DNAH7: variants seen among roughly 807,000 people sequenced by gnomAD.
The protein encoded by DNAH7 is axonemal beta dynein heavy chain 7.
Under a neutral mutation model 444.6 loss-of-function variants are expected in DNAH7, and 397 were observed. The observed-to-expected ratio is 0.89, with a 90% CI of 0.82 to 0.97. The LOEUF is 0.97. Ranked by LOEUF, DNAH7 falls within the 50% of genes least tolerant of loss-of-function variation. DNAH7 has a pLI of 0.00. For missense variants in DNAH7, 4,902 were observed against 4,800.8 expected (o/e 1.02, Z -0.62); for synonymous variants, 1,636 against 1,624.4 (o/e 1.01, Z -0.17).
chr2:196,059,220 TC>T lies in DNAH7; in HGVS notation c.16-1105del, dbSNP rs370621110. ...TAAGGTGAATATGTATTCTGGTTTT[TC>T]CCCCCGCAAGCTGCCATAAGTAACA... On this transcript the variant is annotated intron_variant, in intron 1 of 64. Coordinates refer to ENST00000312428, the MANE Select transcript of DNAH7 (RefSeq NM_018897.3). 8.5e-5 allele frequency among the ~76,000 whole-genome samples: 13 copies of T among 152,236 alleles called. No homozygotes were observed. In the East Asian group the frequency reaches 2.5e-3, roughly 29 times the overall value.
At chr2:195,957,164 G>A in intron 19 of DNAH7, 97 bp downstream of exon 19, 1 of 1,032,236 alleles carries the variant, frequency 9.7e-7, no homozygotes, top group East Asian at 2.8e-5. Context: ...ACAGATAATG[G>A]CTTATTGGAA....
intron 21 of DNAH7, among the ~76,000 whole-genome samples, chr2:195,926,851 A>G (rs907419617): frequency 1.3e-5 from 2 of 152,120 alleles, no homozygotes; most frequent in Non-Finnish European, 2.9e-5. Flanking sequence ...TTTTAGCCAA[A>G]GACATCCTAG....
At chr2:195,871,249 G>T (rs1010481536) in intron 40 of DNAH7, among the ~76,000 whole-genome samples, 1 of 152,176 alleles carries the variant, frequency 6.6e-6, no homozygotes, top group Admixed American at 6.5e-5. Context: ...TTATATCTCT[G>T]TAGTACATGG....
At chr2:195,996,088 T>C (rs1340963790) in intron 12 of DNAH7, among the ~76,000 whole-genome samples, 1 of 152,180 alleles carries the variant, frequency 6.6e-6, no homozygotes, top group African/African-American at 2.4e-5. Context: ...GCTTGCACTG[T>C]TCACTGTTGA....
intron 13 of DNAH7, 53 bp downstream of exon 13, chr2:195,987,902 CTG>C: frequency 2.0e-6 from 3 of 1,471,080 alleles, no homozygotes; most frequent in Non-Finnish European, 2.7e-6. Context: ...CCTAATAAAA[CTG>C]GGGAAAAGAT....
At chr2:196,058,814 T>C (rs1697972399) in intron 1 of DNAH7, among the ~76,000 whole-genome samples, 1 of 152,202 alleles carries the variant, frequency 6.6e-6, no homozygotes, top group Non-Finnish European at 1.5e-5. Context: ...GCTTCCCTTC[T>C]TGTAGAAATT....
At position 195,787,095 on chromosome 2, in the gene DNAH7, A is replaced by AG. The variant is rs1450094109; in HGVS notation, c.10792dup (p.Leu3598ProfsTer8). Reference sequence around the variant, plus strand: ...GAACTCATAAGGAATATTCCACCCTAGGGGTCCAAATTTCCGTCTTTCTTG... The same window carrying AG: ...GAACTCATAAGGAATATTCCACCCTAGGGGGTCCAAATTTCCGTCTTTCTTG... On this transcript the variant is annotated frameshift_variant, in exon 58 of 65. Coordinates refer to ENST00000312428, the MANE Select transcript of DNAH7 (RefSeq NM_018897.3). LOFTEE classifies it high-confidence loss of function. The AG allele has an allele frequency of 6.2e-7, 1 of 1,612,538 alleles. No homozygotes were observed. Among genetic ancestry groups the AG allele is most frequent in the Non-Finnish European group, 8.5e-7 (1 of 1,179,578 alleles).
At chr2:195,966,364 T>C (rs919104382) in intron 17 of DNAH7, among the ~76,000 whole-genome samples, 19 of 152,188 alleles carry the variant, frequency 1.2e-4, no homozygotes, top group Admixed American at 1.2e-3. Flanking sequence ...TTTTGTGACC[T>C]AACATATGGT....
intron 21 of DNAH7, among the ~76,000 whole-genome samples, chr2:195,933,172 A>C (rs1419107024): frequency 6.6e-6 from 1 of 152,238 alleles, no homozygotes; most frequent in East Asian, 1.9e-4. Flanking sequence ...ACTGGCCATC[A>C]GAGAAATGCA....
At chr2:196,001,397 C>G (rs1694027127) in intron 11 of DNAH7, among the ~76,000 whole-genome samples, 1 of 151,340 alleles carries the variant, frequency 6.6e-6, no homozygotes, top group African/African-American at 2.4e-5. Flanking sequence ...CAGGGTCTCG[C>G]TCTGTTGTCC....
intron 10 of DNAH7, 131 bp downstream of exon 10, chr2:196,012,656 A>ATAT: frequency 1.1e-6 from 1 of 911,060 alleles, no homozygotes; most frequent in Non-Finnish European, 1.6e-6. Flanking sequence ...ATAATTAAAG[A>ATAT]TATTATATTT....
intron 47 of DNAH7, among the ~76,000 whole-genome samples, chr2:195,844,069 C>T (rs1559138187): frequency 6.6e-6 from 1 of 151,636 alleles, no homozygotes; most frequent in Non-Finnish European, 1.5e-5. Flanking sequence ...GCACTCCAGC[C>T]TGGGCAACGG....
At chr2:195,898,558 A>G (rs10497773) in intron 28 of DNAH7, among the ~76,000 whole-genome samples, 1,682 of 152,280 alleles carry the variant, frequency 0.011, 36 homozygotes, top group East Asian at 0.067. Context: ...AGATGACATA[A>G]TAACAGTAAC....
Position 195,799,432 on chromosome 2 carries a change from C to A in DNAH7, c.10217G>T (p.Gly3406Val), listed in dbSNP as rs906169840. ...GGGGGGTGGTTCAATGAATGCACGT[C>A]CCAATCTGTTGATTATAAATTCCTG... ...MLQEFIINRL[G>V]RAFIEPPPFD... is the part of the protein sequence containing the mutation. The change falls in exon 55 of 65, where the codon GGA becomes GTA. Residue 3406 changes from glycine to valine, a missense_variant. Coordinates refer to ENST00000312428, the MANE Select transcript of DNAH7 (RefSeq NM_018897.3). 10 of 1,605,886 alleles carry A rather than the reference C, an allele frequency of 6.2e-6. No homozygotes were observed. The highest frequency in any genetic ancestry group is 8.5e-6 in the Non-Finnish European group (10 of 1,176,618).
chr2:196,062,012 C>T (rs985927593), intron 1 of DNAH7, among the ~76,000 whole-genome samples: 3 of 152,180 alleles, frequency 2.0e-5, no homozygotes, highest in East Asian at 3.8e-4. Context: ...ACCTCCTCAT[C>T]TGTAACCTTC....
intron 54 of DNAH7, among the ~76,000 whole-genome samples, chr2:195,803,369 T>C (rs997145407): frequency 7.2e-5 from 11 of 152,260 alleles, no homozygotes; most frequent in Admixed American, 6.5e-4. Context: ...TTCTGTCTGC[T>C]AGCACTGGAG....
chr2:195,916,857 C>T (rs537352814), intron 24 of DNAH7, among the ~76,000 whole-genome samples: 6 of 151,688 alleles, frequency 4.0e-5, no homozygotes, highest in South Asian at 4.2e-4. Context: ...TCCAGCACTT[C>T]GGGAGGTGGA....
chr2:195,898,350 T>A (rs942660259), intron 28 of DNAH7, among the ~76,000 whole-genome samples: 1 of 152,246 alleles, frequency 6.6e-6, no homozygotes, highest in African/African-American at 2.4e-5. Flanking sequence ...ACTTGTAATA[T>A]AATTTAAGTG....
chr2:195,784,942 G>A (rs866027167), intron 58 of DNAH7, among the ~76,000 whole-genome samples: 8 of 140,618 alleles, frequency 5.7e-5, no homozygotes, highest in East Asian at 2.1e-4. Flanking sequence ...ATGGAGTCTC[G>A]CTCTGTCACC....
Sources: gnomAD v4.1 joint callset for allele counts (sites outside exome capture counted in the v4.1 genomes callset) on GRCh38, gnomAD v4.1.1 for gene constraint, MANE v1.5 for transcripts, NCBI Gene and HGNC (gene_info 2026-07-23, HGNC 2026-07-21) for gene names.